EPB41L3: variants seen among roughly 807,000 people sequenced by gnomAD.
EPB41L3 encodes erythrocyte membrane protein band 4.1 like 3.
In EPB41L3, 57 loss-of-function variants were observed where a neutral mutation model predicts 127.1. The ratio of observed to expected loss-of-function variants is 0.45; its 90% CI spans 0.36 to 0.56. EPB41L3 has a LOEUF of 0.56. Ranked by LOEUF, EPB41L3 falls within the 20% of genes least tolerant of loss-of-function variation. The pLI, the probability that EPB41L3 is intolerant of heterozygous loss-of-function variation, is 0.00. For missense variants in EPB41L3, 1,273 were observed against 1,372.2 expected (o/e 0.93, Z 1.14); for synonymous variants, 572 against 549.5 (o/e 1.04, Z -0.57).
At chr18:5,549,483 T>C (rs1011160371) in intron 3 of EPB41L3, among the ~76,000 whole-genome samples, 3 of 152,252 alleles carry the variant, frequency 2.0e-5, no homozygotes, top group Non-Finnish European at 4.4e-5. Context: ...GCTGACTCAT[T>C]TGTAAATGAT....
intron 1 of EPB41L3, among the ~76,000 whole-genome samples, chr18:5,536,703 T>C (rs1315962707): frequency 2.0e-5 from 3 of 151,512 alleles, no homozygotes; most frequent in Non-Finnish European, 4.4e-5. Flanking sequence ...TCCCAGCTAC[T>C]TGGGAGGCTG....
Position 5,598,515 on chromosome 18 carries a change from T to C in EPB41L3, c.-306+13825A>G, listed in dbSNP as rs1453536682. On this transcript the variant is annotated intron_variant, in intron 3 of 21. Transcript: ENST00000545076. ...ATATTATTAGTTTTCATGTTCAAAA[T>C]GGTAAATATCAATAGGTATAATCTA... Among the ~76,000 whole-genome samples, 13 of 152,354 alleles carry C rather than the reference T, an allele frequency of 8.5e-5. No homozygotes were observed. In the East Asian group the frequency reaches 2.5e-3, roughly 29 times the overall value.
chr18:5,498,594 C>CAAAAAAAAAAAAAAAAAA (rs397828412), intron 1 of EPB41L3, among the ~76,000 whole-genome samples: 1 of 70,502 alleles, frequency 1.4e-5, no homozygotes, highest in Non-Finnish European at 2.4e-5. Flanking sequence ...GACTCCATCT[C>CAAAAAAAAAAAAAAAAAA]AAAAAAAAAA....
At chr18:5,541,130 A>T (rs1329410796) in intron 1 of EPB41L3, among the ~76,000 whole-genome samples, 1 of 146,240 alleles carries the variant, frequency 6.8e-6, no homozygotes, top group African/African-American at 2.5e-5. Flanking sequence ...GTGGTCGCCT[A>T]TAATCCCAGC....
chr18:5,503,279 G>GT (rs2091896112), intron 1 of EPB41L3, among the ~76,000 whole-genome samples: 6 of 151,954 alleles, frequency 3.9e-5, no homozygotes, highest in Admixed American at 3.9e-4. Flanking sequence ...CTACATTAAC[G>GT]TAACTGGATG....
At chr18:5,601,595 C>T (rs2094592556) in intron 3 of EPB41L3, among the ~76,000 whole-genome samples, 1 of 152,114 alleles carries the variant, frequency 6.6e-6, no homozygotes, top group South Asian at 2.1e-4. Context: ...AGCAGAGTAA[C>T]CTTTGAACAA....
At chr18:5,449,128 T>C (rs1334521902) in intron 3 of EPB41L3, among the ~76,000 whole-genome samples, 1 of 152,044 alleles carries the variant, frequency 6.6e-6, no homozygotes, top group East Asian at 1.9e-4. Context: ...TACAAAGAAC[T>C]CTTAAAACAC....
intron 3 of EPB41L3, among the ~76,000 whole-genome samples, chr18:5,468,756 T>C (rs1280173117): frequency 6.6e-6 from 1 of 151,948 alleles, no homozygotes; most frequent in East Asian, 1.9e-4. Context: ...CTACTAAAAA[T>C]ACAAAAACAA....
chr18:5,413,317 GC>G, intron 13 of EPB41L3, among the ~76,000 whole-genome samples: 1 of 152,112 alleles, frequency 6.6e-6, no homozygotes. Flanking sequence ...TTGATATCCT[GC>G]CCCTTATTTG....
At chr18:5,400,848 T>C (rs1245408019) in intron 16 of EPB41L3, 4 of 644,404 alleles carry the variant, frequency 6.2e-6, no homozygotes, top group Non-Finnish European at 1.1e-5. Context: ...CAAAATTATG[T>C]ACCTACCTTG....
intron 3 of EPB41L3, among the ~76,000 whole-genome samples, chr18:5,449,229 G>C (rs1312373273): frequency 6.6e-6 from 1 of 151,534 alleles, no homozygotes; most frequent in South Asian, 2.1e-4. Flanking sequence ...CGTATGAAAA[G>C]ATGTTCCAAA....
intron 2 of EPB41L3, among the ~76,000 whole-genome samples, chr18:5,486,146 T>C (rs1253595100): frequency 6.6e-6 from 1 of 151,964 alleles, no homozygotes; most frequent in Non-Finnish European, 1.5e-5. Flanking sequence ...AATAGATACA[T>C]AAACCAATGG....
chr18:5,428,455 C>G lies in EPB41L3; in HGVS notation c.923G>C (p.Gly308Ala). The G allele has an allele frequency of 6.2e-7, 1 of 1,614,108 alleles. No individual in the cohort carries two copies. Among genetic ancestry groups the G allele is most frequent in the Non-Finnish European group, 8.5e-7 (1 of 1,180,006 alleles). Residue 308 changes from glycine (G) to alanine (A), a missense_variant, in exon 9 of 23, where the codon GGG becomes GCG. Gly to Ala is a moderately conservative substitution (Grantham distance 60, BLOSUM62 0). Coordinates refer to ENST00000341928, the MANE Select transcript of EPB41L3 (RefSeq NM_012307.5). Reference protein sequence around the residue: ...VDLHHAKDSEGVEIMLGVCAS... With the variant: ...VDLHHAKDSEAVEIMLGVCAS... ...ACAAACTCCTAACATAATTTCTACCCCTTCTGAGTCCTGGAAAATAAAAGC... is the reference window on the plus strand; with the variant it reads ...ACAAACTCCTAACATAATTTCTACCGCTTCTGAGTCCTGGAAAATAAAAGC...
intron 1 of EPB41L3, among the ~76,000 whole-genome samples, chr18:5,618,517 C>A (rs533519999): frequency 6.6e-6 from 1 of 152,312 alleles, no homozygotes; most frequent in Admixed American, 6.5e-5. Flanking sequence ...TTTCTCCCCA[C>A]GGGATTTCAG....
intron 3 of EPB41L3, among the ~76,000 whole-genome samples, chr18:5,576,798 T>G (rs916832745): frequency 1.3e-5 from 2 of 152,246 alleles, no homozygotes; most frequent in Admixed American, 6.5e-5. Context: ...TTCACTATAC[T>G]TCTGTGTAAT....
rs372255766 is a variant in EPB41L3, at chr18:5,534,215, G to A, written c.-12+9698C>T. ...GAAACCCAAGCATTCTGAGTCCAAG[G>A]CCAGGTTTCTTTGCTCTATGCTAAA... On this transcript the variant is annotated intron_variant, in intron 1 of 22. Coordinates refer to ENST00000341928, the MANE Select transcript of EPB41L3 (RefSeq NM_012307.5). Among the ~76,000 whole-genome samples the A allele has an allele frequency of 2.6e-5, 4 of 152,290 alleles. No homozygotes were observed. In the East Asian group the frequency reaches 5.8e-4, roughly 22 times the overall value.
At chr18:5,620,571 A>G (rs2144216264) in intron 1 of EPB41L3, among the ~76,000 whole-genome samples, 1 of 152,332 alleles carries the variant, frequency 6.6e-6, no homozygotes. Flanking sequence ...AATAGTACAA[A>G]TTACTCATCC....
chr18:5,438,110 C>T lies in EPB41L3; in HGVS notation c.530G>A (p.Ser177Asn). The T allele has an allele frequency of 6.2e-7, 1 of 1,612,974 alleles. No individual in the cohort carries two copies. Among genetic ancestry groups the T allele is most frequent in the African/African-American group, 1.3e-5 (1 of 74,984 alleles). ...ATTAAATGAAAAGTGCCAAGCACCA[C>T]CTGCAAGGATGGAAAAAAATTAGAG... ...PAKEIKKQVR[S>N]GAWHFSFNVK... is the part of the protein sequence containing the mutation. The change falls in exon 6 of 23, where the codon AGT (serine) becomes AAT (asparagine). Residue 177 changes from serine (S) to asparagine (N), a missense_variant and splice_region_variant. Transcript: ENST00000341928.
chr18:5,412,111 A>T (rs1394701340), intron 13 of EPB41L3, among the ~76,000 whole-genome samples: 1 of 152,224 alleles, frequency 6.6e-6, no homozygotes, highest in African/African-American at 2.4e-5. Context: ...GCCAGTTTGA[A>T]TTAGTAAGAG....
Sources: gnomAD v4.1 joint callset for allele counts (sites outside exome capture counted in the v4.1 genomes callset) on GRCh38, gnomAD v4.1.1 for gene constraint, MANE v1.5 for transcripts, NCBI Gene and HGNC (gene_info 2026-07-23, HGNC 2026-07-21) for gene names.